SPACA7: variants seen among roughly 807,000 people sequenced by gnomAD.
SPACA7 encodes the protein sperm acrosome-associated protein 7.
Under a neutral mutation model 26.3 loss-of-function variants are expected in SPACA7, and 19 were observed. The observed-to-expected ratio is 0.72, with a 90% confidence interval of 0.50 to 1.06. The LOEUF is 1.06. SPACA7 is among the 50% of genes least tolerant of loss of function. The pLI is 0.00. For missense variants in SPACA7, 211 were observed against 229.9 expected (o/e 0.92, Z 0.53); for synonymous variants, 84 against 84.5 (o/e 0.99, Z 0.04).
At chr13:112,393,675 G>A (rs777734206) in intron 2 of SPACA7, among the ~76,000 whole-genome samples, 33 of 152,262 alleles carry the variant, frequency 2.2e-4, no homozygotes, top group Non-Finnish European at 4.1e-4. Context: ...GGCCAGGGCC[G>A]TCCAATAGAA....
At chr13:112,405,491 T>G (rs1288481612) in intron 5 of SPACA7, among the ~76,000 whole-genome samples, 1 of 152,216 alleles carries the variant, frequency 6.6e-6, no homozygotes, top group Non-Finnish European at 1.5e-5. Flanking sequence ...GTCTTTGTTT[T>G]TCATAATAAT....
chr13:112,412,295 T>G (rs1050345701), intron 5 of SPACA7, among the ~76,000 whole-genome samples: 26 of 151,818 alleles, frequency 1.7e-4, no homozygotes, highest in African/African-American at 5.6e-4. Context: ...TTTTTTGTTT[T>G]TTGTTTTTTG....
intron 1 of SPACA7, among the ~76,000 whole-genome samples, chr13:112,388,957 C>T (rs1884706260): frequency 6.6e-6 from 1 of 152,168 alleles, no homozygotes; most frequent in Non-Finnish European, 1.5e-5. Flanking sequence ...TGGGTGGTGC[C>T]AGCTGATCCA....
chr13:112,419,162 C>T (rs1027942158), intron 5 of SPACA7, among the ~76,000 whole-genome samples: 4 of 152,136 alleles, frequency 2.6e-5, no homozygotes, highest in Non-Finnish European at 5.9e-5. Flanking sequence ...AAAAAAGAGG[C>T]AAGCCTACCA....
At chr13:112,393,788 C>T (rs1002561090) in intron 2 of SPACA7, among the ~76,000 whole-genome samples, 8 of 152,124 alleles carry the variant, frequency 5.3e-5, no homozygotes, top group African/African-American at 1.9e-4. Flanking sequence ...GAGACAGAGA[C>T]CATCCTGGCC....
chr13:112,419,656 CA>C (rs1886895101), intron 5 of SPACA7, among the ~76,000 whole-genome samples: 1 of 152,124 alleles, frequency 6.6e-6, no homozygotes, highest in Non-Finnish European at 1.5e-5. Flanking sequence ...GAGCTGTTAC[CA>C]CAGGAAGAGA....
intron 5 of SPACA7, among the ~76,000 whole-genome samples, chr13:112,409,808 C>T (rs533057950): frequency 2.0e-5 from 3 of 152,224 alleles, no homozygotes; most frequent in South Asian, 2.1e-4. Flanking sequence ...GTCAGTGTGG[C>T]GATTCCTCAA....
chr13:112,398,705 T>C (rs1016622772), intron 3 of SPACA7, among the ~76,000 whole-genome samples: 1 of 151,968 alleles, frequency 6.6e-6, no homozygotes, highest in East Asian at 1.9e-4. Context: ...CAAGACAGAG[T>C]ACTGAATCAA....
At chr13:112,418,600 C>A (rs1172126202) in intron 5 of SPACA7, among the ~76,000 whole-genome samples, 1 of 152,162 alleles carries the variant, frequency 6.6e-6, no homozygotes, top group African/African-American at 2.4e-5. Context: ...GGGCACTTGG[C>A]AGAAGCAAAT....
At chr13:112,389,582 C>T (rs549980986) in intron 1 of SPACA7, among the ~76,000 whole-genome samples, 12 of 152,270 alleles carry the variant, frequency 7.9e-5, no homozygotes, top group African/African-American at 2.9e-4. Flanking sequence ...TCTTTTTTCT[C>T]TAAGCCAATT....
intron 5 of SPACA7, among the ~76,000 whole-genome samples, chr13:112,411,069 T>C (rs964861669): frequency 6.6e-6 from 1 of 151,994 alleles, no homozygotes; most frequent in Non-Finnish European, 1.5e-5. Context: ...TCAATGTGAC[T>C]GGTAATTCAT....
At chr13:112,393,769 C>T (rs146526833) in intron 2 of SPACA7, among the ~76,000 whole-genome samples, 1,721 of 152,178 alleles carry the variant, frequency 0.011, 11 homozygotes, top group South Asian at 0.043. Context: ...GGGCAGATCA[C>T]GAGGTCAAGA....
chr13:112,422,889 C>G (rs1056728686), intron 5 of SPACA7, among the ~76,000 whole-genome samples: 7 of 152,122 alleles, frequency 4.6e-5, no homozygotes, highest in African/African-American at 1.7e-4. Flanking sequence ...GCAGAACTAA[C>G]ATCAGAATTT....
At chr13:112,432,627 C>G in intron 6 of SPACA7, 106 bp downstream of exon 6, 1 of 824,220 alleles carries the variant, frequency 1.2e-6, no homozygotes. Flanking sequence ...GTGAGCCCAG[C>G]CCCCAGGTGG....
At chr13:112,392,329 T>G (rs1212203032) in intron 1 of SPACA7, among the ~76,000 whole-genome samples, 2 of 152,096 alleles carry the variant, frequency 1.3e-5, no homozygotes, top group Non-Finnish European at 2.9e-5. Flanking sequence ...AGGCCACAGG[T>G]CAGGAGGCCA....
At chr13:112,433,162 C>A (rs1877346945) in intron 6 of SPACA7, among the ~76,000 whole-genome samples, 1 of 150,388 alleles carries the variant, frequency 6.6e-6, no homozygotes, top group Admixed American at 6.6e-5. Flanking sequence ...CCCCTCCCCC[C>A]ATACCCTGCA....
intron 1 of SPACA7, among the ~76,000 whole-genome samples, chr13:112,392,099 C>G (rs1231499734): frequency 6.6e-6 from 1 of 152,226 alleles, no homozygotes; most frequent in East Asian, 1.9e-4. Context: ...TGTGGCCCTG[C>G]TGAGCCCAAC....
intron 1 of SPACA7, among the ~76,000 whole-genome samples, chr13:112,392,173 A>T (rs1594258490): frequency 1.3e-5 from 2 of 152,262 alleles, no homozygotes; most frequent in South Asian, 2.1e-4. Context: ...GGACGCTGAG[A>T]CGCCACACCT....
At chr13:112,432,337 G>A (rs1019349081) in intron 5 of SPACA7, 107 bp from the exon 6 acceptor site, 9 of 850,622 alleles carry the variant, frequency 1.1e-5, no homozygotes, top group African/African-American at 5.0e-5. Flanking sequence ...CTGTGCGTGG[G>A]TGCTGCTTTG....
Sources: allele counts gnomAD v4.1 joint callset (sites outside exome capture counted in the v4.1 genomes callset), GRCh38; gene constraint gnomAD v4.1.1; transcripts MANE v1.5; gene names NCBI Gene and HGNC (gene_info 2026-07-23, HGNC 2026-07-21).